The following DPP10 variants were observed in gnomAD, a reference collection of about 807,000 sequenced individuals.
DPP10 encodes inactive dipeptidyl peptidase 10.
DPP10 carries 33 observed loss-of-function variants against 120.9 expected under a neutral mutation model. The observed-to-expected ratio is 0.27, with a 90% confidence interval of 0.21 to 0.37. The LOEUF (loss-of-function observed/expected upper bound fraction) is 0.37. Among genes scored for constraint, DPP10 ranks in the 10% least tolerant of loss-of-function variants. DPP10 has a pLI of 1.00. For missense variants in DPP10, 816 were observed against 942.8 expected, an observed-to-expected ratio of 0.87 and a Z score of 1.76; for synonymous variants, 337 against 326.1, an observed-to-expected ratio of 1.03 and a Z score of -0.36.
chr2:114,871,561 C>A (rs914161434), intron 1 of DPP10, among the ~76,000 whole-genome samples: 4 of 152,078 alleles, frequency 2.6e-5, no homozygotes, highest in Non-Finnish European at 4.4e-5. Flanking sequence ...AAATGCTAAC[C>A]CATTATACTT....
intron 5 of DPP10, among the ~76,000 whole-genome samples, chr2:115,652,973 G>A (rs764543777): frequency 9.9e-5 from 15 of 151,978 alleles, no homozygotes; most frequent in African/African-American, 1.9e-4. Context: ...AAACATTGGC[G>A]AAATTGTTTA....
chr2:114,656,667 G>A (rs72953594), intron 1 of DPP10, among the ~76,000 whole-genome samples: 2,012 of 152,180 alleles, frequency 0.013, 46 homozygotes, highest in African/African-American at 0.046. Context: ...CAAAACTTCC[G>A]TTTATACTGG....
At chr2:114,497,423 CTA>C (rs60179396) in intron 1 of DPP10, among the ~76,000 whole-genome samples, 48,032 of 98,214 alleles carry the variant, frequency 0.49, 8,922 homozygotes, top group Middle Eastern at 0.56. Flanking sequence ...ACATATGCAT[CTA>C]TATATATATG....
chr2:115,816,780 G>A (rs1369989962), intron 21 of DPP10, among the ~76,000 whole-genome samples: 2 of 150,326 alleles, frequency 1.3e-5, no homozygotes, highest in African/African-American at 2.4e-5. Context: ...ACCACGCCCA[G>A]CTAATTTTTG....
intron 1 of DPP10, among the ~76,000 whole-genome samples, chr2:114,473,959 T>C (rs188374152): frequency 6.6e-6 from 1 of 152,324 alleles, no homozygotes; most frequent in East Asian, 1.9e-4. Flanking sequence ...TTTGTTATTT[T>C]TCGTTGTTGT....
intron 1 of DPP10, among the ~76,000 whole-genome samples, chr2:114,804,866 G>C (rs1198404801): frequency 6.6e-6 from 1 of 152,104 alleles, no homozygotes; most frequent in Non-Finnish European, 1.5e-5. Flanking sequence ...GGCATGATTG[G>C]TTTTGAAATG....
At chr2:115,610,541 G>T (rs1266743403) in intron 5 of DPP10, among the ~76,000 whole-genome samples, 1 of 150,622 alleles carries the variant, frequency 6.6e-6, no homozygotes, top group Non-Finnish European at 1.5e-5. Flanking sequence ...AGTTTAAAAC[G>T]ATTTGCATTA....
intron 1 of DPP10, among the ~76,000 whole-genome samples, chr2:114,602,720 A>T (rs1436328837): frequency 6.6e-6 from 1 of 152,008 alleles, no homozygotes; most frequent in Non-Finnish European, 1.5e-5. Context: ...CAATTTCATG[A>T]GTAGAGAGTG....
intron 1 of DPP10, among the ~76,000 whole-genome samples, chr2:115,229,608 A>C (rs946577264): frequency 6.6e-6 from 1 of 152,064 alleles, no homozygotes; most frequent in African/African-American, 2.4e-5. Context: ...TTTCTCCATC[A>C]TCATTTATTG....
chr2:115,778,152 C>T (rs1215085618), intron 15 of DPP10, among the ~76,000 whole-genome samples: 2 of 152,040 alleles, frequency 1.3e-5, no homozygotes, highest in Non-Finnish European at 2.9e-5. Flanking sequence ...TTCCCTCGTG[C>T]CTTCATCTTC....
chr2:115,327,415 T>C (rs1363144618), intron 2 of DPP10, among the ~76,000 whole-genome samples: 4 of 152,178 alleles, frequency 2.6e-5, no homozygotes, highest in East Asian at 1.9e-4. Context: ...TAGAGAATTA[T>C]TGAGAAATGA....
chr2:114,871,970 T>C (rs1690723402), intron 1 of DPP10, among the ~76,000 whole-genome samples: 1 of 152,192 alleles, frequency 6.6e-6, no homozygotes, highest in Non-Finnish European at 1.5e-5. Flanking sequence ...TATGAGAATC[T>C]AATGCCTGAT....
chr2:114,800,991 C>T (rs1053181832), intron 1 of DPP10, among the ~76,000 whole-genome samples: 1 of 151,304 alleles, frequency 6.6e-6, no homozygotes, highest in African/African-American at 2.4e-5. Context: ...GGGCCGGGCA[C>T]GGTGGCTCAC....
intron 5 of DPP10, chr2:115,526,282 G>A: frequency 3.9e-6 from 1 of 256,604 alleles, no homozygotes; most frequent in Non-Finnish European, 7.4e-6. Context: ...TTCAAGATAA[G>A]CCTTACCATA....
intron 1 of DPP10, among the ~76,000 whole-genome samples, chr2:114,997,057 T>C (rs991606517): frequency 1.3e-5 from 2 of 151,492 alleles, no homozygotes; most frequent in Admixed American, 6.6e-5. Context: ...TTGGGTAAAG[T>C]ATGCCTCACT....
chr2:115,726,538 A>T (rs920627595), intron 7 of DPP10, among the ~76,000 whole-genome samples: 81 of 152,182 alleles, frequency 5.3e-4, no homozygotes, highest in African/African-American at 1.8e-3. Context: ...CCTGGCTATA[A>T]AGTCCACGCT....
At chr2:115,499,829 T>G (rs2076592301) in intron 4 of DPP10, among the ~76,000 whole-genome samples, 1 of 152,048 alleles carries the variant, frequency 6.6e-6, no homozygotes, top group South Asian at 2.1e-4. Flanking sequence ...TGGAGAAATA[T>G]TTCCAAAAAT....
chr2:115,399,460 C>A (rs1352760623), intron 3 of DPP10, among the ~76,000 whole-genome samples: 1 of 152,038 alleles, frequency 6.6e-6, no homozygotes, highest in Non-Finnish European at 1.5e-5. Context: ...TCAAAATATT[C>A]TCTGCTTTTC....
chr2:115,596,429 C>T (rs750259925), intron 5 of DPP10, among the ~76,000 whole-genome samples: 3 of 151,906 alleles, frequency 2.0e-5, no homozygotes, highest in Non-Finnish European at 2.9e-5. Flanking sequence ...AATTAGAGCT[C>T]TTTTACATAT....
Sources: gnomAD v4.1 joint callset for allele counts (sites outside exome capture counted in the v4.1 genomes callset) on GRCh38, gnomAD v4.1.1 for gene constraint, MANE v1.5 for transcripts, NCBI Gene and HGNC (gene_info 2026-07-23, HGNC 2026-07-21) for gene names.